NSMCE2: variants seen among roughly 807,000 people sequenced by gnomAD.
The protein encoded by NSMCE2 is NSE2 SUMO ligase component of SMC5/6 complex.
Under a neutral mutation model 23.8 loss-of-function variants are expected in NSMCE2, and 24 were observed. The ratio of observed to expected loss-of-function variants is 1.01; its 90% CI spans 0.73 to 1.42. The LOEUF is 1.42. Among genes scored for constraint, NSMCE2 ranks in the 40% most tolerant of loss-of-function variants. The pLI, the probability that NSMCE2 is intolerant of heterozygous loss-of-function variation, is 0.00. For synonymous variants in NSMCE2, 92 were observed against 94.1 expected, an observed-to-expected ratio of 0.98 and a Z score of 0.13; for missense variants, 284 against 296.5, an observed-to-expected ratio of 0.96 and a Z score of 0.31.
chr8:125,343,302 T>C (rs1208085332), intron 5 of NSMCE2, among the ~76,000 whole-genome samples: 1 of 152,160 alleles, frequency 6.6e-6, no homozygotes, highest in Non-Finnish European at 1.5e-5. Flanking sequence ...ATAGACATCT[T>C]CAGAGGTTCT....
At chr8:125,243,730 G>A (rs1269439158) in intron 5 of NSMCE2, among the ~76,000 whole-genome samples, 3 of 152,114 alleles carry the variant, frequency 2.0e-5, no homozygotes, top group African/African-American at 7.2e-5. Context: ...TGAGGGAGGC[G>A]ATAGTTATCT....
chr8:125,248,255 G>A (rs989691398), intron 5 of NSMCE2, among the ~76,000 whole-genome samples: 7 of 152,138 alleles, frequency 4.6e-5, no homozygotes, highest in African/African-American at 1.7e-4. Context: ...GAAGATTTAT[G>A]AGCTGAAGGA....
At chr8:125,217,368 T>C (rs1824640133) in intron 5 of NSMCE2, among the ~76,000 whole-genome samples, 1 of 151,644 alleles carries the variant, frequency 6.6e-6, no homozygotes. Context: ...TATTTTTTAT[T>C]TATTTATTTT....
chr8:125,214,149 G>A (rs1310938960), intron 5 of NSMCE2, among the ~76,000 whole-genome samples: 1 of 152,096 alleles, frequency 6.6e-6, no homozygotes, highest in Non-Finnish European at 1.5e-5. Context: ...ATTGCTATTA[G>A]GCTGGGCTGT....
chr8:125,252,518 T>C (rs1826241515), intron 5 of NSMCE2, among the ~76,000 whole-genome samples: 1 of 152,174 alleles, frequency 6.6e-6, no homozygotes. Context: ...AGAGCGAGAC[T>C]CTGTCTCAAA....
intron 4 of NSMCE2, among the ~76,000 whole-genome samples, chr8:125,161,791 C>CAAA (rs34724865): frequency 3.6e-4 from 44 of 120,898 alleles, no homozygotes; most frequent in Middle Eastern, 4.3e-3. Context: ...GACAATGTCT[C>CAAA]AAAAAAAAAA....
Position 125,357,323 on chromosome 8 carries a change from C to T in NSMCE2, c.519+4C>T, listed in dbSNP as rs1185410849. ...CTTCACCTGCCCCATTACAAAGGTA[C>T]CGCTTCCTCCTACTTCCCCTGAAAG... On this transcript the variant is annotated splice_donor_region_variant and intron_variant, in intron 6 of 7. Transcript: ENST00000287437. 1.9e-6 allele frequency: 3 copies of T among 1,556,756 alleles called. No homozygotes were observed. The highest frequency in any genetic ancestry group is 2.7e-6 in the Non-Finnish European group (3 of 1,127,882).
At position 125,272,255 on chromosome 8, in the gene NSMCE2, C is replaced by T. The variant is rs567315362; in HGVS notation, c.419-84964C>T. On this transcript the variant is annotated intron_variant, in intron 5 of 7. Transcript: ENST00000287437. ...GGTCTCGATCTCCTGACCTCATGAT[C>T]CGCCCGCCTCAGCCTCCCAAAGTGC... 5.3e-5 allele frequency among the ~76,000 whole-genome samples: 8 copies of T among 151,852 alleles called. No individual in the cohort carries two copies. The East Asian group carries it at 5.8e-4, about 11-fold the overall frequency.
At chr8:125,176,611 G>A (rs868177054) in intron 4 of NSMCE2, among the ~76,000 whole-genome samples, 1 of 152,138 alleles carries the variant, frequency 6.6e-6, no homozygotes, top group Non-Finnish European at 1.5e-5. Context: ...CTGGAGATAT[G>A]TATAGATAGA....
At chr8:125,135,251 A>G (rs1006407701) in intron 3 of NSMCE2, among the ~76,000 whole-genome samples, 6 of 151,994 alleles carry the variant, frequency 3.9e-5, no homozygotes, top group Admixed American at 2.0e-4. Flanking sequence ...AGCTCTCTCT[A>G]TATTGCCCAG....
At chr8:125,133,247 T>A (rs1819864160) in intron 3 of NSMCE2, among the ~76,000 whole-genome samples, 1 of 152,204 alleles carries the variant, frequency 6.6e-6, no homozygotes, top group Admixed American at 6.5e-5. Flanking sequence ...AAAATAGATG[T>A]GAGTAAATGA....
chr8:125,224,115 C>A (rs1465717233), intron 5 of NSMCE2, among the ~76,000 whole-genome samples: 1 of 152,112 alleles, frequency 6.6e-6, no homozygotes, highest in Non-Finnish European at 1.5e-5. Context: ...GGATTACAGG[C>A]ATAAGCCACC....
rs536761398 is a variant in NSMCE2 at position 125,304,808 on chromosome 8, A to T, written c.419-52411A>T. ...CTCATCAAGCGATGAGAATCGCTTG[A>T]ACCCTGGAGGCAGAGGTTACAGTGA... On this transcript the variant is annotated intron_variant, in intron 5 of 7. Coordinates refer to ENST00000287437, the MANE Select transcript of NSMCE2 (RefSeq NM_173685.4). Among the ~76,000 whole-genome samples the T allele has an allele frequency of 6.0e-5, 9 of 150,614 alleles. No homozygotes were observed. In the South Asian group the frequency reaches 1.7e-3, roughly 28 times the overall value.
At chr8:125,102,663 T>C (rs889957495) in intron 3 of NSMCE2, among the ~76,000 whole-genome samples, 176 bp downstream of exon 3, 1 of 152,188 alleles carries the variant, frequency 6.6e-6, no homozygotes, top group Non-Finnish European at 1.5e-5. Context: ...TAAGATTGAC[T>C]CATTCATGTG....
rs975380097 is a variant in NSMCE2, at chr8:125,107,328, G to A, written c.157+4841G>A. 2.6e-5 allele frequency among the ~76,000 whole-genome samples: 4 copies of A among 151,580 alleles called. No homozygotes were observed. The South Asian group carries it at 8.4e-4, about 32-fold the overall frequency. ...CAGCCTCCTGAGTCCTGAGTAGCTC[G>A]GATTACAGGTGCACACCACCATGCC... On this transcript the variant is annotated intron_variant, in intron 3 of 7. Coordinates refer to ENST00000287437, the MANE Select transcript of NSMCE2 (RefSeq NM_173685.4).
intron 5 of NSMCE2, among the ~76,000 whole-genome samples, chr8:125,259,937 A>G (rs930379151): frequency 2.2e-4 from 34 of 152,232 alleles, no homozygotes; most frequent in African/African-American, 7.2e-4. Context: ...TGGAAACTGC[A>G]TTGGGCTCAT....
chr8:125,192,907 AAT>A (rs1447286054), intron 5 of NSMCE2, among the ~76,000 whole-genome samples: 16 of 152,326 alleles, frequency 1.1e-4, no homozygotes, highest in African/African-American at 3.8e-4. Context: ...GTATCATTCT[AAT>A]ATGTTTTCTT....
At chr8:125,249,483 A>G (rs901919223) in intron 5 of NSMCE2, among the ~76,000 whole-genome samples, 3 of 152,204 alleles carry the variant, frequency 2.0e-5, no homozygotes, top group African/African-American at 7.2e-5. Flanking sequence ...CTGACAAAAT[A>G]ACTTCCAGAA....
intron 3 of NSMCE2, among the ~76,000 whole-genome samples, chr8:125,107,655 A>G (rs557715378): frequency 6.6e-6 from 1 of 152,336 alleles, no homozygotes; most frequent in Non-Finnish European, 1.5e-5. Context: ...CATTAGTACA[A>G]ACATTCAACA....
Sources: gnomAD v4.1 joint callset for allele counts (sites outside exome capture counted in the v4.1 genomes callset) on GRCh38, gnomAD v4.1.1 for gene constraint, MANE v1.5 for transcripts, NCBI Gene and HGNC (gene_info 2026-07-23, HGNC 2026-07-21) for gene names.